Variants in DSG1 observed in about 807,000 individuals in gnomAD.
The protein encoded by DSG1 is desmoglein 1.
Under a neutral mutation model 97.5 loss-of-function variants are expected in DSG1, and 39 were observed. The observed-to-expected ratio is 0.40, with a 90% CI of 0.31 to 0.52. The LOEUF (loss-of-function observed/expected upper bound fraction) is 0.52. Ranked by LOEUF, DSG1 falls within the 20% of genes least tolerant of loss-of-function variation. DSG1 has a pLI of 0.53. For missense variants in DSG1, 1,311 were observed against 1,295.4 expected (o/e 1.01, Z -0.18); for synonymous variants, 475 against 443.4 (o/e 1.07, Z -0.90).
At chr18:31,354,238 T>C in intron 14 of DSG1, 59 bp from the exon 15 acceptor site, 2 of 1,445,026 alleles carry the variant, frequency 1.4e-6, no homozygotes, top group South Asian at 1.1e-5. Context: ...ATAAAGGCTG[T>C]TCTATTATTG....
chr18:31,331,902 A>G (rs749838424), intron 6 of DSG1, 35 bp downstream of exon 6: 2 of 1,595,256 alleles, frequency 1.3e-6, no homozygotes, highest in Non-Finnish European at 8.6e-7. Flanking sequence ...TTTTGGTCTC[A>G]AAGGAACTGA....
In DSG1 at chr18:31,355,114, G is replaced by A; in HGVS notation, c.2918G>A (p.Gly973Asp). ...GISGTTGISG[G>D]IGSSGLVGTS... ...AGTGGCACCACTGGGATCAGCGGTG[G>A]CATAGGCAGCAGTGGCCTGGTTGGC... Residue 973 changes from glycine to aspartate, a missense_variant, in exon 15 of 15, where the codon GGC (glycine) becomes GAC (aspartate). Physicochemically the swap from Gly to Asp is moderately conservative, Grantham distance 94. This residue lies in a region of DSG1 where 1,038 missense variants were observed against 964.6 expected (regional missense o/e 1.08). Coordinates refer to ENST00000257192, the MANE Select transcript of DSG1 (RefSeq NM_001942.4). The A allele has an allele frequency of 6.2e-7, 1 of 1,613,838 alleles. No homozygotes were observed. The highest frequency in any genetic ancestry group is 8.5e-7 in the Non-Finnish European group (1 of 1,179,750).
intron 3 of DSG1, 126 bp downstream of exon 3, chr18:31,327,131 C>A: frequency 7.9e-7 from 1 of 1,260,292 alleles, no homozygotes; most frequent in Non-Finnish European, 1.1e-6. Flanking sequence ...GAACTATAGT[C>A]ACCTAGATGA....
At chr18:31,346,253 C>T (rs963852980) in intron 14 of DSG1, 55 bp downstream of exon 14, 2 of 1,440,678 alleles carry the variant, frequency 1.4e-6, no homozygotes, top group Non-Finnish European at 2.0e-6. Flanking sequence ...CTGCTCTTCA[C>T]CAAGCTTTCA....
At position 31,326,855 on chromosome 18, in the gene DSG1, T is replaced by C. The variant is rs1422757717; in HGVS notation, c.85-19T>C. 6.2e-7 allele frequency: 1 copy of C among 1,612,132 alleles called. No individual in the cohort carries two copies. Among genetic ancestry groups the C allele is most frequent in the Non-Finnish European group, 8.5e-7 (1 of 1,178,242 alleles). On this transcript the variant is annotated intron_variant, in intron 2 of 14. Transcript: ENST00000257192. ...AATTCAAATTAATATATACCATTTC[T>C]TTATTGCTGTCATTTAAGGTAAGAG...
chr18:31,345,902 G>GA (rs1457533939), intron 13 of DSG1, 88 bp from the exon 14 acceptor site: 14 of 1,021,018 alleles, frequency 1.4e-5, no homozygotes, highest in Admixed American at 6.1e-5. Flanking sequence ...ATACCTAAAT[G>GA]AAAAAATCAC....
chr18:31,344,020 AT>A (rs374699855), intron 13 of DSG1, 25 bp downstream of exon 13: 2 of 1,521,674 alleles, frequency 1.3e-6, no homozygotes, highest in Non-Finnish European at 1.8e-6. Context: ...TTTGTTTAAC[AT>A]CTCAAATGCT....
intron 14 of DSG1, among the ~76,000 whole-genome samples, chr18:31,348,607 T>C (rs1386097555): frequency 6.6e-6 from 1 of 151,584 alleles, no homozygotes; most frequent in South Asian, 2.1e-4. Flanking sequence ...TGTTCCTATT[T>C]CTCCACGTCC....
At position 31,354,747 on chromosome 18, in the gene DSG1, G is replaced by C. The variant is rs763583271; in HGVS notation, c.2551G>C (p.Val851Leu). 19 of 1,614,058 alleles carry C rather than the reference G, an allele frequency of 1.2e-5. No homozygotes were observed. The highest frequency in any genetic ancestry group is 1.6e-5 in the Non-Finnish European group (19 of 1,180,046). ...YTTSDTLKPS[V>L]HVHDNRPASN... ...CACCTCTGACACTCTGAAGCCCTCT[G>C]TGCACGTTCACGATAACCGACCAGC... Residue 851 changes from valine to leucine, a missense_variant, in exon 15 of 15, where the codon GTG (valine) becomes CTG (leucine). Coordinates refer to ENST00000257192, the MANE Select transcript of DSG1 (RefSeq NM_001942.4).
rs141262997 is a variant in DSG1 at position 31,326,836 on chromosome 18, A to G, written c.85-38A>G. On this transcript the variant is annotated intron_variant, in intron 2 of 14. Transcript: ENST00000257192. ...CAGTGGAATTTGAATTACGAATTCAAATTAATATATACCATTTCTTTATTG... is the reference window on the plus strand; with the variant it reads ...CAGTGGAATTTGAATTACGAATTCAGATTAATATATACCATTTCTTTATTG... 1.3e-4 allele frequency: 206 copies of G among 1,605,034 alleles called. 2 individuals carry two copies. The East Asian group carries it at 4.4e-3, about 34-fold the overall frequency.
chr18:31,336,333 A>G, intron 8 of DSG1, 21 bp from the exon 9 acceptor site: 2 of 1,608,542 alleles, frequency 1.2e-6, no homozygotes, highest in Non-Finnish European at 1.7e-6. Context: ...TAATGAAACT[A>G]TTTTACTCTG....
chr18:31,340,048 G>A (rs200726194), intron 11 of DSG1, 23 bp downstream of exon 11: 29 of 1,610,742 alleles, frequency 1.8e-5, no homozygotes, highest in Non-Finnish European at 2.2e-5. Context: ...GCAATCCTAT[G>A]TATATGTGTC....
chr18:31,333,467 T>C (rs2071732744), intron 6 of DSG1, 122 bp from the exon 7 acceptor site: 5 of 1,175,230 alleles, frequency 4.3e-6, no homozygotes, highest in Non-Finnish European at 6.3e-6. Context: ...ATATTCTGTG[T>C]TAACCCTACC....
intron 10 of DSG1, 134 bp from the exon 11 acceptor site, chr18:31,339,610 G>A: frequency 5.1e-6 from 3 of 588,846 alleles, no homozygotes; most frequent in Non-Finnish European, 8.4e-6. Flanking sequence ...AACAAGGGAT[G>A]ATTTTCAAGT....
At chr18:31,336,660 G>A in intron 9 of DSG1, 47 bp downstream of exon 9, 2 of 1,575,226 alleles carry the variant, frequency 1.3e-6, no homozygotes, top group Middle Eastern at 1.7e-4. Context: ...TTGAACTTAA[G>A]TACATATGTT....
rs200643856 is a variant in DSG1, at chr18:31,354,766, G to A, written c.2570G>A (p.Arg857Gln). ...CCCTCTGTGCACGTTCACGATAACCGACCAGCATCAAACGTGGTAGTGACA... is the reference window on the plus strand; with the variant it reads ...CCCTCTGTGCACGTTCACGATAACCAACCAGCATCAAACGTGGTAGTGACA... Reference protein sequence around the residue: ...LKPSVHVHDNRPASNVVVTER... With the variant: ...LKPSVHVHDNQPASNVVVTER... Residue 857 changes from arginine (R) to glutamine (Q), a missense_variant, in exon 15 of 15, where the codon CGA (arginine) becomes CAA (glutamine). Arg to Gln is a conservative substitution (Grantham distance 43). Transcript: ENST00000257192. The A allele has an allele frequency of 5.9e-5, 95 of 1,613,952 alleles. No homozygotes were observed. The highest frequency in any genetic ancestry group is 4.9e-4 in the Middle Eastern group (3 of 6,084).
chr18:31,354,307 C>T lies in DSG1; in HGVS notation c.2111C>T (p.Ala704Val). 6.2e-7 allele frequency: 1 copy of T among 1,614,064 alleles called. No individual in the cohort carries two copies. The highest frequency in any genetic ancestry group is 8.5e-7 in the Non-Finnish European group (1 of 1,179,950). The change falls in exon 15 of 15, where the codon GCT becomes GTT. Residue 704 changes from alanine (A) to valine (V), a missense_variant. By Grantham distance (64) the Ala-to-Val change is moderately conservative. Coordinates refer to ENST00000257192, the MANE Select transcript of DSG1 (RefSeq NM_001942.4). ...CTCCTATAAATTCAGAAAGCATATG[C>T]TTACGCAGATGAAGATGAAGGACGC... ...MESYFCQKAYAYADEDEGRPS... is the reference protein window; with the variant it reads ...MESYFCQKAYVYADEDEGRPS...
chr18:31,328,435 G>A, intron 4 of DSG1, 91 bp downstream of exon 4: 1 of 1,372,688 alleles, frequency 7.3e-7, no homozygotes, highest in East Asian at 2.3e-5. Context: ...GATTTCAAGA[G>A]TCTCAATATT....
At position 31,328,318 on chromosome 18, in the gene DSG1, G is replaced by T; in HGVS notation, c.346G>T (p.Asp116Tyr). 6.2e-7 allele frequency: 1 copy of T among 1,613,266 alleles called. No individual in the cohort carries two copies. The highest frequency in any genetic ancestry group is 1.1e-5 in the South Asian group (1 of 91,042). The change falls in exon 4 of 15, where the codon GAT (aspartate) becomes TAT (tyrosine). Residue 116 changes from aspartate (D) to tyrosine (Y), a missense_variant. Asp to Tyr is a radical substitution (Grantham distance 160). This residue lies in a region of DSG1 where 259 missense variants were observed against 304.1 expected (regional missense o/e 0.85). Coordinates refer to ENST00000257192, the MANE Select transcript of DSG1 (RefSeq NM_001942.4). ...TGEINITSIVDREVTPFFIIY... is the reference protein window; with the variant it reads ...TGEINITSIVYREVTPFFIIY... ...TGAAATTAATATAACATCCATAGTT[G>T]ATCGAGAGGTCACTCCTTTCTTCAT... is the stretch of plus-strand genomic sequence containing the variant.
Sources: gnomAD v4.1 joint callset for allele counts (sites outside exome capture counted in the v4.1 genomes callset) on GRCh38, gnomAD v4.1.1 for gene constraint, gnomAD v4.1.1 regional missense constraint, MANE v1.5 for transcripts, NCBI Gene and HGNC (gene_info 2026-07-23, HGNC 2026-07-21) for gene names.